The following OR3A3 variants were observed in gnomAD, a reference collection of about 807,000 sequenced individuals.
OR3A3 encodes the protein olfactory receptor 3A3.
For missense variants in OR3A3, 275 were observed against 391.4 expected, an observed-to-expected ratio of 0.70 and a Z score of 2.51; for synonymous variants, 103 against 163.9, an observed-to-expected ratio of 0.63 and a Z score of 2.84.
At chr17:3,414,627 C>A (rs2072380398) in intron 2 of OR3A3, among the ~76,000 whole-genome samples, 1 of 152,178 alleles carries the variant, frequency 6.6e-6, no homozygotes, top group Non-Finnish European at 1.5e-5. Context: ...TGGACACATT[C>A]TTGGTAACTG....
intron 2 of OR3A3, among the ~76,000 whole-genome samples, chr17:3,413,902 T>C (rs1236054016): frequency 6.6e-6 from 1 of 151,240 alleles, no homozygotes; most frequent in Admixed American, 6.6e-5. Context: ...TTCTCATCCA[T>C]GTGGCATCCC....
chr17:3,423,527 A>C (rs2072450385), exon 3 of OR3A3: 1 of 152,234 alleles, frequency 6.6e-6, no homozygotes, highest in Admixed American at 6.5e-5. Flanking sequence ...ATGTTTCAGA[A>C]ATATTATACC....
intron 2 of OR3A3, among the ~76,000 whole-genome samples, chr17:3,419,622 C>T (rs762794521): frequency 9.2e-5 from 14 of 151,822 alleles, no homozygotes; most frequent in Admixed American, 6.6e-4. Context: ...CACACTGTAC[C>T]CCATAAATAT....
rs182752930 is a variant in OR3A3 at position 3,415,617 on chromosome 17, T to C, written c.-7+3446T>C. ...AACTGTTTTATTGCTTTCTAATATA[T>C]GGTCTTTTAATTTCTTGCATTGGCT... On this transcript the variant is annotated intron_variant, in intron 2 of 2. Coordinates refer to ENST00000641141, the Ensembl canonical transcript of OR3A3. Among the ~76,000 whole-genome samples the C allele has an allele frequency of 4.1e-4, 62 of 150,294 alleles. No individual in the cohort carries two copies. The East Asian group carries it at 5.2e-3, about 13-fold the overall frequency.
intron 2 of OR3A3, among the ~76,000 whole-genome samples, chr17:3,419,192 T>A (rs2072410694): frequency 6.6e-6 from 1 of 152,218 alleles, no homozygotes; most frequent in Admixed American, 6.5e-5. Context: ...CACTTCATAG[T>A]GTGGTCCCTC....
chr17:3,418,091 T>A (rs1275508192), intron 2 of OR3A3, among the ~76,000 whole-genome samples: 1 of 152,230 alleles, frequency 6.6e-6, no homozygotes, highest in African/African-American at 2.4e-5. Flanking sequence ...TAGAGGTGAA[T>A]GGTTTATTAC....
At chr17:3,421,722 C>A in exon 3 of OR3A3, 1 of 607,930 alleles carries the variant, frequency 1.6e-6, no homozygotes, top group Non-Finnish European at 2.6e-6. Flanking sequence ...TATTAAATTA[C>A]TTCTATGATC....
At chr17:3,421,070 A>G in exon 3 of OR3A3, 5 of 1,614,104 alleles carry the variant, frequency 3.1e-6, no homozygotes, top group East Asian at 2.2e-5. Flanking sequence ...GCACTGACCC[A>G]CACTGTGGCC....
exon 3 of OR3A3, chr17:3,421,174 C>A (rs2072431801): frequency 6.2e-7 from 1 of 1,614,218 alleles, no homozygotes; most frequent in Non-Finnish European, 8.5e-7. Flanking sequence ...CAGCACCCAA[C>A]TCAATGAGCT....
chr17:3,420,455 T>C, intron 2 of OR3A3, 125 bp from the exon 3 acceptor site: 3 of 1,482,348 alleles, frequency 2.0e-6, no homozygotes, highest in Non-Finnish European at 2.7e-6. Flanking sequence ...GGTAAAGGCA[T>C]TGAGGTGTTG....
chr17:3,421,441 C>T, exon 3 of OR3A3: 1 of 1,604,648 alleles, frequency 6.2e-7, no homozygotes, highest in Non-Finnish European at 8.5e-7. Context: ...TGTGATCAAC[C>T]CCATGCTGAA....
Position 3,413,717 on chromosome 17 carries a change from G to A in OR3A3, c.-7+1546G>A, listed in dbSNP as rs1207011657. On this transcript the variant is annotated intron_variant, in intron 2 of 2. Transcript: ENST00000641141. The stretch of plus-strand genomic sequence containing the variant: ...AGTCCCAGCTGCTCGGGAGGCTGAG[G>A]CAGGAGAATCACTTGAACCTGGGAG... 2.6e-5 allele frequency among the ~76,000 whole-genome samples: 4 copies of A among 152,028 alleles called. No homozygotes were observed. The East Asian group carries it at 7.8e-4, about 30-fold the overall frequency.
At chr17:3,414,530 C>T (rs2072379867) in intron 2 of OR3A3, among the ~76,000 whole-genome samples, 1 of 152,188 alleles carries the variant, frequency 6.6e-6, no homozygotes, top group Non-Finnish European at 1.5e-5. Flanking sequence ...AGTGTGAATT[C>T]TCCGAAACGA....
At chr17:3,417,570 G>T (rs1000974660) in intron 2 of OR3A3, among the ~76,000 whole-genome samples, 1 of 152,048 alleles carries the variant, frequency 6.6e-6, no homozygotes, top group African/African-American at 2.4e-5. Context: ...TCCTCTAGAA[G>T]TTTATTCTAT....
At chr17:3,418,525 C>T (rs1006596405) in intron 2 of OR3A3, among the ~76,000 whole-genome samples, 2 of 152,306 alleles carry the variant, frequency 1.3e-5, no homozygotes, top group South Asian at 4.1e-4. Flanking sequence ...CTTCTCAGAT[C>T]CAAACTGAGA....
At chr17:3,422,312 T>A (rs999079411) in exon 3 of OR3A3, 1 of 152,140 alleles carries the variant, frequency 6.6e-6, no homozygotes, top group Non-Finnish European at 1.5e-5. Context: ...TACCTTAAGA[T>A]CAAAAAGGGA....
intron 2 of OR3A3, among the ~76,000 whole-genome samples, chr17:3,417,874 C>T (rs1208365436): frequency 6.6e-6 from 1 of 152,156 alleles, no homozygotes; most frequent in African/African-American, 2.4e-5. Flanking sequence ...CAGAATGGGA[C>T]CTGTTTCTGT....
At chr17:3,421,597 C>A (rs1400697516) in exon 3 of OR3A3, 3 of 1,505,432 alleles carry the variant, frequency 2.0e-6, no homozygotes, top group Non-Finnish European at 2.7e-6. Context: ...TAGTAACCAA[C>A]AAACCTTGTT....
rs145056481 is a variant in OR3A3, at chr17:3,415,879, G to A, written c.-7+3708G>A. On this transcript the variant is annotated intron_variant, in intron 2 of 2. Transcript: ENST00000641141. ...GCTGGAGTGAAGGGGCACGATCTTG[G>A]CTCACTACAACCTCCACCTCCTAGG... 1.5e-3 allele frequency among the ~76,000 whole-genome samples: 215 copies of A among 147,984 alleles called. 1 individual carries two copies. Among genetic ancestry groups the A allele is most frequent in the African/African-American group, 4.7e-3 (188 of 40,424 alleles).
Sources: gnomAD v4.1 joint callset for allele counts (sites outside exome capture counted in the v4.1 genomes callset) on GRCh38, gnomAD v4.1.1 for gene constraint, MANE v1.5 for transcripts, NCBI Gene and HGNC (gene_info 2026-07-23, HGNC 2026-07-21) for gene names.